The following PCDH10 variants were observed in gnomAD, a reference collection of about 807,000 sequenced individuals.
PCDH10 encodes the protein protocadherin-10.
A neutral mutation model predicts 74.4 loss-of-function variants in PCDH10; 15 were observed. The observed-to-expected ratio is 0.20, with a 90% CI of 0.13 to 0.31. The LOEUF (loss-of-function observed/expected upper bound fraction) is 0.31. Ranked by LOEUF, PCDH10 falls within the 10% of genes least tolerant of loss-of-function variation. PCDH10 has a pLI of 1.00. For missense variants in PCDH10, 1,260 were observed against 1,390.2 expected, an observed-to-expected ratio of 0.91 and a Z score of 1.49; for synonymous variants, 619 against 589.8, an observed-to-expected ratio of 1.05 and a Z score of -0.72.
At chr4:133,168,474 A>G (rs907801352) in intron 4 of PCDH10, among the ~76,000 whole-genome samples, 1 of 151,550 alleles carries the variant, frequency 6.6e-6, no homozygotes, top group South Asian at 2.1e-4. Context: ...TATCTGTAAT[A>G]TTTAAAAGTG....
At chr4:133,199,856 G>A (rs1361650791) in intron 2 of PCDH10, among the ~76,000 whole-genome samples, 1 of 150,078 alleles carries the variant, frequency 6.7e-6, no homozygotes, top group Non-Finnish European at 1.5e-5. Flanking sequence ...GGAGTGCAGT[G>A]GCCTGATCTC....
intron 4 of PCDH10, among the ~76,000 whole-genome samples, chr4:133,187,031 A>T (rs1727557229): frequency 6.6e-6 from 1 of 152,230 alleles, no homozygotes; most frequent in East Asian, 1.9e-4. Context: ...AATAATAGTT[A>T]TTCAGTGTTT....
intron 3 of PCDH10, among the ~76,000 whole-genome samples, chr4:133,158,967 T>A (rs967654646): frequency 2.6e-5 from 4 of 152,080 alleles, no homozygotes; most frequent in African/African-American, 7.2e-5. Context: ...ATTTTTTTCA[T>A]GAGTGAGTTA....
Position 133,152,621 on chromosome 4 carries a change from T to G in PCDH10, c.2481T>G (p.Pro827=). The G allele has an allele frequency of 6.2e-7, 1 of 1,614,154 alleles. No individual in the cohort carries two copies. Among genetic ancestry groups the G allele is most frequent in the Non-Finnish European group, 8.5e-7 (1 of 1,180,016 alleles). ...QNYCYQVCLT[P]ESAKTDLMFL... is the part of the protein sequence containing the mutation. ...ACTGCTATCAGGTATGCCTGACCCC[T>G]GAGTCCGCCAAGACCGACCTGATGT... The change falls in exon 1 of 5, where the codon CCT becomes CCG. Residue 827 remains proline, a synonymous_variant. Coordinates refer to ENST00000264360, the MANE Select transcript of PCDH10 (RefSeq NM_032961.3).
chr4:133,187,362 A>G (rs1418625557), intron 4 of PCDH10, among the ~76,000 whole-genome samples: 1 of 152,104 alleles, frequency 6.6e-6, no homozygotes, highest in East Asian at 1.9e-4. Flanking sequence ...TGCATAGGAT[A>G]TATGCATACA....
At position 133,192,204 on chromosome 4, in the gene PCDH10, A is replaced by G. The variant is rs1260266819; in HGVS notation, c.*2044A>G. ...AGCACATAAATTCACTAAGTGCAGCAGTAACATTTTCTTAAACTTTGGCAT... is the reference window on the plus strand; with the variant it reads ...AGCACATAAATTCACTAAGTGCAGCGGTAACATTTTCTTAAACTTTGGCAT... On this transcript the variant is annotated 3_prime_UTR_variant, in exon 5 of 5. Transcript: ENST00000264360. 3 of 151,700 alleles carry G rather than the reference A, an allele frequency of 2.0e-5. No individual in the cohort carries two copies. Among genetic ancestry groups the G allele is most frequent in the Non-Finnish European group, 4.4e-5 (3 of 67,668 alleles). 9.4% of individuals were successfully genotyped at this position (151,700 alleles called of 1,614,324 possible).
At chr4:133,167,515 A>G (rs1011075963) in intron 4 of PCDH10, among the ~76,000 whole-genome samples, 2 of 151,604 alleles carry the variant, frequency 1.3e-5, no homozygotes, top group South Asian at 4.1e-4. Flanking sequence ...TCACTATCCA[A>G]TGTCAAAGTC....
intron 3 of PCDH10, 34 bp from the exon 4 acceptor site, chr4:133,162,943 G>A (rs1478180228): frequency 1.3e-6 from 2 of 1,543,702 alleles, no homozygotes; most frequent in African/African-American, 2.7e-5. Flanking sequence ...TGTTGGTGAA[G>A]ACTACATCCG....
chr4:133,173,186 G>A (rs1253182863), intron 4 of PCDH10, among the ~76,000 whole-genome samples: 1 of 151,944 alleles, frequency 6.6e-6, no homozygotes, highest in Non-Finnish European at 1.5e-5. Context: ...TTTAAATAGA[G>A]TAAAGAGATT....
intron 4 of PCDH10, among the ~76,000 whole-genome samples, chr4:133,165,452 A>G (rs1317053596): frequency 6.6e-6 from 1 of 151,640 alleles, no homozygotes; most frequent in African/African-American, 2.4e-5. Flanking sequence ...ATTCCTGACC[A>G]TTTTGCCCCT....
intron 3 of PCDH10, among the ~76,000 whole-genome samples, chr4:133,156,934 T>C (rs1473538259): frequency 6.6e-6 from 1 of 152,230 alleles, no homozygotes; most frequent in Non-Finnish European, 1.5e-5. Context: ...ATTTCTGTAA[T>C]GTTTCTTTCA....
At chr4:133,203,792 G>A (rs1393768685) in intron 2 of PCDH10, among the ~76,000 whole-genome samples, 1 of 152,166 alleles carries the variant, frequency 6.6e-6, no homozygotes, top group African/African-American at 2.4e-5. Context: ...GGGTAAAAAT[G>A]TTGGGAGCCT....
chr4:133,184,796 TTA>T (rs916362395), intron 4 of PCDH10, among the ~76,000 whole-genome samples: 21 of 139,018 alleles, frequency 1.5e-4, no homozygotes, highest in South Asian at 6.5e-4. Flanking sequence ...ATATATATAT[TTA>T]TATATATATA....
intron 4 of PCDH10, among the ~76,000 whole-genome samples, chr4:133,164,964 T>C (rs1727047315): frequency 6.8e-6 from 1 of 147,924 alleles, no homozygotes; most frequent in Admixed American, 6.8e-5. Flanking sequence ...TATATACACA[T>C]ATATTCATTA....
chr4:133,203,248 C>T (rs557668119), intron 2 of PCDH10, among the ~76,000 whole-genome samples: 1 of 152,208 alleles, frequency 6.6e-6, no homozygotes, highest in Non-Finnish European at 1.5e-5. Context: ...GAGAAGTGGT[C>T]CAATTTTATA....
At position 133,152,099 on chromosome 4, in the gene PCDH10, T is replaced by C; in HGVS notation, c.1959T>C (p.Pro653=). Residue 653 remains proline (P), a synonymous_variant, in exon 1 of 5, where the codon CCT becomes CCC. Coordinates refer to ENST00000264360, the MANE Select transcript of PCDH10 (RefSeq NM_032961.3). Reference sequence around the variant, plus strand: ...CGGCCAAGCGCGACCCCCAGCGGCCTTATGAGCTGGTGATCGAGGTGCGCG... The same window carrying C: ...CGGCCAAGCGCGACCCCCAGCGGCCCTATGAGCTGGTGATCGAGGTGCGCG... ...RVPAKRDPQR[P]YELVIEVRDH... is the part of the protein sequence containing the mutation. 5.0e-6 allele frequency: 8 copies of C among 1,586,562 alleles called. No homozygotes were observed. The South Asian group carries it at 9.2e-5, about 18-fold the overall frequency.
chr4:133,201,513 A>G (rs920842215), intron 2 of PCDH10, among the ~76,000 whole-genome samples: 7 of 152,136 alleles, frequency 4.6e-5, no homozygotes, highest in African/African-American at 1.7e-4. Flanking sequence ...GAATTGTTTG[A>G]GTAAATCTGT....
At chr4:133,153,054 T>A in intron 1 of PCDH10, 1 of 1,383,242 alleles carries the variant, frequency 7.2e-7, no homozygotes, top group Non-Finnish European at 9.4e-7. Flanking sequence ...GTCCTTTCCC[T>A]TCTCAGTAAC....
chr4:133,153,164 G>T, intron 1 of PCDH10: 1 of 1,142,180 alleles, frequency 8.8e-7, no homozygotes, highest in East Asian at 5.2e-5. Context: ...GTCTGTCCCA[G>T]GCATTAATAA....
Sources: gnomAD v4.1 joint callset for allele counts (sites outside exome capture counted in the v4.1 genomes callset) on GRCh38, gnomAD v4.1.1 for gene constraint, MANE v1.5 for transcripts, NCBI Gene and HGNC (gene_info 2026-07-23, HGNC 2026-07-21) for gene names.